MGLL: variants seen among roughly 807,000 people sequenced by gnomAD.
The protein encoded by MGLL is lysophospholipase homolog.
A neutral mutation model predicts 29.1 loss-of-function variants in MGLL; 7 were observed. That is an observed-to-expected ratio of 0.24 (90% CI 0.14 to 0.45). MGLL has a LOEUF of 0.45. Ranked by LOEUF, MGLL falls within the 20% of genes least tolerant of loss-of-function variation. The probability of loss-of-function intolerance (pLI) is 0.99; values close to 1 mark genes in which losing one functional copy is unlikely to be tolerated. For missense variants in MGLL, 356 were observed against 413.6 expected (o/e 0.86, Z 1.21); for synonymous variants, 148 against 168.3 (o/e 0.88, Z 0.93).
At chr3:127,782,785 TGAGC>T (rs2077149562) in intron 2 of MGLL, among the ~76,000 whole-genome samples, 1 of 152,220 alleles carries the variant, frequency 6.6e-6, no homozygotes, top group African/African-American at 2.4e-5. Context: ...GCCACCTTCC[TGAGC>T]ATTTACTATG....
At chr3:127,766,397 C>T (rs1389413391) in intron 3 of MGLL, among the ~76,000 whole-genome samples, 3 of 152,206 alleles carry the variant, frequency 2.0e-5, no homozygotes, top group African/African-American at 4.8e-5. Flanking sequence ...TATGTAGACA[C>T]GCACCTTATT....
At chr3:127,739,836 C>T (rs1039190424) in intron 3 of MGLL, among the ~76,000 whole-genome samples, 1 of 152,206 alleles carries the variant, frequency 6.6e-6, no homozygotes, top group Non-Finnish European at 1.5e-5. Context: ...TTTCTACCAT[C>T]CTCCAAGTGT....
chr3:127,779,761 G>A (rs998480013), intron 3 of MGLL, among the ~76,000 whole-genome samples: 2 of 152,112 alleles, frequency 1.3e-5, no homozygotes, highest in Admixed American at 6.6e-5. Flanking sequence ...GGTTTGACCT[G>A]GGTTCAAATC....
At chr3:127,746,522 C>T (rs914964134) in intron 3 of MGLL, among the ~76,000 whole-genome samples, 1 of 152,162 alleles carries the variant, frequency 6.6e-6, no homozygotes, top group Non-Finnish European at 1.5e-5. Flanking sequence ...GGTGTGATCC[C>T]TGGGCTGGTT....
At position 127,722,527 on chromosome 3, in the gene MGLL, G is replaced by C. The variant is rs907717551; in HGVS notation, c.302C>G (p.Ser101Cys). 7 of 1,614,224 alleles carry C rather than the reference G, an allele frequency of 4.3e-6. No homozygotes were observed. The highest frequency in any genetic ancestry group is 5.9e-6 in the Non-Finnish European group (7 of 1,180,052). ...GQSEGERMVV[S>C]DFHVFVRDVL... ...ATCCCTGACGAAAACGTGGAAGTCA[G>C]ACACTACCATCCTCTCCCCTTCGCT... Residue 101 changes from serine (S) to cysteine (C), a missense_variant, in exon 4 of 8, where the codon TCT (serine) becomes TGT (cysteine). Transcript: ENST00000265052.
upstream of MGLL, chr3:127,822,808 G>GTC (rs2077887838): frequency 6.1e-6 from 1 of 163,268 alleles, no homozygotes. Flanking sequence ...AAAACCGGGT[G>GTC]GGCTTCGCCG....
intron 7 of MGLL, 23 bp downstream of exon 7, chr3:127,694,952 G>T (rs2075328375): frequency 1.2e-6 from 2 of 1,610,626 alleles, no homozygotes; most frequent in Non-Finnish European, 1.7e-6. Context: ...TTGGGGGGAA[G>T]TGGGCAAGTG....
At chr3:127,705,212 G>A (rs752638712) in intron 6 of MGLL, among the ~76,000 whole-genome samples, 7 of 151,952 alleles carry the variant, frequency 4.6e-5, no homozygotes, top group Non-Finnish European at 8.8e-5. Flanking sequence ...TACACACTGG[G>A]GCCTGTCAGG....
intron 5 of MGLL, among the ~76,000 whole-genome samples, chr3:127,719,652 C>T (rs1337668740): frequency 2.6e-5 from 4 of 152,168 alleles, no homozygotes; most frequent in African/African-American, 7.2e-5. Flanking sequence ...ACCATAGTCA[C>T]GGGAGATGTT....
chr3:127,813,884 T>C (rs775895405), intron 2 of MGLL, among the ~76,000 whole-genome samples: 5 of 152,178 alleles, frequency 3.3e-5, no homozygotes, highest in Non-Finnish European at 5.9e-5. Context: ...CAGCTGCTGA[T>C]CTCTAAAGAT....
At chr3:127,700,810 C>T (rs1461515175) in intron 6 of MGLL, among the ~76,000 whole-genome samples, 1 of 152,200 alleles carries the variant, frequency 6.6e-6, no homozygotes, top group Non-Finnish European at 1.5e-5. Flanking sequence ...GGCCTTTCTG[C>T]GTGCACACGT....
At chr3:127,788,684 C>T (rs527974958) in intron 2 of MGLL, among the ~76,000 whole-genome samples, 4 of 152,332 alleles carry the variant, frequency 2.6e-5, no homozygotes, top group East Asian at 1.9e-4. Context: ...AGTCCTTCCA[C>T]GCTTCCCCAA....
chr3:127,790,092 G>A (rs1331916948), intron 2 of MGLL, among the ~76,000 whole-genome samples: 1 of 152,220 alleles, frequency 6.6e-6, no homozygotes, highest in African/African-American at 2.4e-5. Flanking sequence ...TGGGGCCCTG[G>A]AATCTGATTC....
intron 3 of MGLL, among the ~76,000 whole-genome samples, chr3:127,769,792 C>T (rs1401149629): frequency 2.6e-5 from 4 of 152,208 alleles, no homozygotes; most frequent in Admixed American, 2.0e-4. Context: ...GGAGGGAGAG[C>T]AGAGCAGCCT....
chr3:127,760,485 C>T (rs1227110113), intron 3 of MGLL, among the ~76,000 whole-genome samples: 2 of 152,246 alleles, frequency 1.3e-5, no homozygotes, highest in African/African-American at 4.8e-5. Flanking sequence ...TGTCCCTCAT[C>T]CAGGCTCAGG....
At chr3:127,727,704 TAAAAAAAAAAAAAAAA>T (rs1177079179) in intron 3 of MGLL, among the ~76,000 whole-genome samples, 2 of 80,716 alleles carry the variant, frequency 2.5e-5, no homozygotes, top group South Asian at 1.0e-3. Flanking sequence ...AGAGCAAGGC[TAAAAAAAAAAAAAAAA>T]AAAAAAAAAC....
intron 3 of MGLL, among the ~76,000 whole-genome samples, chr3:127,724,753 C>G (rs1262101847): frequency 6.6e-6 from 1 of 152,208 alleles, no homozygotes; most frequent in African/African-American, 2.4e-5. Context: ...TGCCCAGTGT[C>G]AGGCTCCCTC....
chr3:127,772,352 G>A, intron 3 of MGLL, among the ~76,000 whole-genome samples: 1 of 152,222 alleles, frequency 6.6e-6, no homozygotes, highest in Non-Finnish European at 1.5e-5. Flanking sequence ...GGTATTGTTA[G>A]CCCATTTTAC....
intron 2 of MGLL, among the ~76,000 whole-genome samples, chr3:127,818,992 G>A (rs549773033): frequency 7.6e-4 from 115 of 152,292 alleles, no homozygotes; most frequent in African/African-American, 2.7e-3. Flanking sequence ...GCCAAATGGA[G>A]GTTTAAGTTC....
Sources: gnomAD v4.1 joint callset for allele counts (sites outside exome capture counted in the v4.1 genomes callset) on GRCh38, gnomAD v4.1.1 for gene constraint, MANE v1.5 for transcripts, NCBI Gene and HGNC (gene_info 2026-07-23, HGNC 2026-07-21) for gene names.